Variants in COL25A1 observed in about 807,000 individuals in gnomAD.
COL25A1 encodes collagen alpha-1(XXV) chain.
In COL25A1, 103 loss-of-function variants were observed where a neutral mutation model predicts 128.4. The ratio of observed to expected loss-of-function variants is 0.80; its 90% confidence interval spans 0.68 to 0.94. COL25A1 has a LOEUF of 0.94. Among genes scored for constraint, COL25A1 ranks in the 40% least tolerant of loss-of-function variants. The pLI is 0.00. For missense variants in COL25A1, 745 were observed against 840.0 expected, an observed-to-expected ratio of 0.89 and a Z score of 1.40; for synonymous variants, 279 against 277.2, an observed-to-expected ratio of 1.01 and a Z score of -0.06.
intron 6 of COL25A1, among the ~76,000 whole-genome samples, chr4:108,999,720 T>C (rs1382525412): frequency 1.3e-5 from 2 of 152,196 alleles, no homozygotes; most frequent in Admixed American, 1.3e-4. Flanking sequence ...CCAACACAAA[T>C]GTCCATCAGT....
chr4:109,221,529 A>C (rs1347101093), intron 3 of COL25A1, among the ~76,000 whole-genome samples: 4 of 152,230 alleles, frequency 2.6e-5, no homozygotes, highest in Non-Finnish European at 2.9e-5. Context: ...TAAGTACTTC[A>C]TTTGTAATAC....
At chr4:108,831,687 G>GGA (rs3062875) in intron 32 of COL25A1, among the ~76,000 whole-genome samples, 23,341 of 143,950 alleles carry the variant, frequency 0.16, 1,913 homozygotes, top group African/African-American at 0.23. Flanking sequence ...AGAGAGAGGG[G>GGA]GAGAGAGAGA....
At chr4:108,908,592 C>T (rs898949687) in intron 13 of COL25A1, among the ~76,000 whole-genome samples, 3 of 152,324 alleles carry the variant, frequency 2.0e-5, no homozygotes, top group African/African-American at 7.2e-5. Flanking sequence ...AAACAGCAAA[C>T]TCCCTCCCTA....
rs1730587706 is a variant in COL25A1 at position 108,808,956 on chromosome 4, A to G, written c.*4971T>C. The stretch of plus-strand genomic sequence containing the variant: ...GCAATTATCTCCAAACCGCAAATCA[A>G]AAATCTTATGCATCTTTTGATACAG... On this transcript the variant is annotated 3_prime_UTR_variant, in exon 38 of 38. Coordinates refer to ENST00000399132, the MANE Select transcript of COL25A1 (RefSeq NM_198721.4). The G allele has an allele frequency of 1.3e-5, 2 of 152,216 alleles. No individual in the cohort carries two copies. The highest frequency in any genetic ancestry group is 1.3e-4 in the Admixed American group (2 of 15,282). 9.4% of individuals were successfully genotyped at this position (152,216 alleles called of 1,614,324 possible).
chr4:108,978,427 T>G (rs527983062), intron 6 of COL25A1, among the ~76,000 whole-genome samples: 3 of 152,194 alleles, frequency 2.0e-5, no homozygotes, highest in Non-Finnish European at 4.4e-5. Flanking sequence ...TAAACACAGA[T>G]AGTATAATAT....
At chr4:109,109,493 A>G (rs574170960) in intron 3 of COL25A1, among the ~76,000 whole-genome samples, 2 of 152,312 alleles carry the variant, frequency 1.3e-5, no homozygotes, top group Admixed American at 1.3e-4. Flanking sequence ...ACAGCCTCCT[A>G]AAGTGCTGGG....
chr4:109,027,915 C>T (rs1341344246), intron 5 of COL25A1, among the ~76,000 whole-genome samples: 2 of 152,120 alleles, frequency 1.3e-5, no homozygotes, highest in Non-Finnish European at 2.9e-5. Context: ...CTCTAGGAGA[C>T]ATCCATGTGC....
chr4:109,202,342 T>C (rs993289652), intron 3 of COL25A1, among the ~76,000 whole-genome samples: 1 of 151,722 alleles, frequency 6.6e-6, no homozygotes, highest in African/African-American at 2.4e-5. Flanking sequence ...AAATGAGCAA[T>C]GGCAACTCAA....
At position 108,808,853 on chromosome 4, in the gene COL25A1, G is replaced by A. The variant is rs185453445; in HGVS notation, c.*5074C>T. 2 of 152,114 alleles carry A rather than the reference G, an allele frequency of 1.3e-5. No individual in the cohort carries two copies. The highest frequency in any genetic ancestry group is 4.8e-5 in the African/African-American group (2 of 41,520). The allele number at this position is 152,114 out of a possible 1,614,324, so 9.4% of individuals were successfully genotyped here. A position where few individuals can be genotyped will look rare whatever the true frequency, so the allele number is the denominator to read the frequency against. On this transcript the variant is annotated 3_prime_UTR_variant, in exon 38 of 38. Coordinates refer to ENST00000399132, the MANE Select transcript of COL25A1 (RefSeq NM_198721.4). ...TAAATAGTGTAAAAATAATTCTGAAGATCAACTTCTCACAAACTAGGAACC... is the reference window on the plus strand; with the variant it reads ...TAAATAGTGTAAAAATAATTCTGAAAATCAACTTCTCACAAACTAGGAACC...
chr4:108,808,770 C>A lies in COL25A1; in HGVS notation c.*5157G>T, dbSNP rs1730574268. The A allele has an allele frequency of 6.6e-6, 1 of 152,100 alleles. No individual in the cohort carries two copies. The allele number at this position is 152,100 out of a possible 1,614,324, so 9.4% of individuals were successfully genotyped here. On this transcript the variant is annotated 3_prime_UTR_variant, in exon 38 of 38. Coordinates refer to ENST00000399132, the MANE Select transcript of COL25A1 (RefSeq NM_198721.4). Reference sequence around the variant, plus strand: ...GCTTTATAACAATACAATTCATTATCATTGTTTGGATTAATATTGTAATAA... The same window carrying A: ...GCTTTATAACAATACAATTCATTATAATTGTTTGGATTAATATTGTAATAA...
At chr4:109,068,163 T>C (rs1226907148) in intron 3 of COL25A1, among the ~76,000 whole-genome samples, 3 of 152,296 alleles carry the variant, frequency 2.0e-5, no homozygotes, top group Non-Finnish European at 4.4e-5. Context: ...TCTCCTGTAT[T>C]ATTGCTTTTT....
At chr4:109,270,924 T>C (rs1782151141) in intron 3 of COL25A1, among the ~76,000 whole-genome samples, 3 of 152,192 alleles carry the variant, frequency 2.0e-5, no homozygotes, top group Admixed American at 2.0e-4. Flanking sequence ...TGTGCTAGAA[T>C]GCCTACTATG....
intron 3 of COL25A1, among the ~76,000 whole-genome samples, chr4:109,060,407 G>A (rs981843485): frequency 2.0e-5 from 3 of 151,960 alleles, no homozygotes; most frequent in African/African-American, 7.3e-5. Context: ...CCACCTCATT[G>A]CCCTCTTGCT....
chr4:109,094,493 T>C (rs1414211608), intron 3 of COL25A1, among the ~76,000 whole-genome samples: 1 of 152,208 alleles, frequency 6.6e-6, no homozygotes, highest in Non-Finnish European at 1.5e-5. Context: ...AAATTAAAAA[T>C]GATTCCTCAA....
chr4:109,262,181 T>G (rs191480662), intron 3 of COL25A1, among the ~76,000 whole-genome samples: 11 of 152,220 alleles, frequency 7.2e-5, no homozygotes, highest in Non-Finnish European at 1.5e-4. Context: ...TTTATTTACC[T>G]ACTATATGTT....
chr4:108,829,893 G>A (rs1258624472), intron 32 of COL25A1, among the ~76,000 whole-genome samples: 2 of 152,152 alleles, frequency 1.3e-5, no homozygotes, highest in African/African-American at 2.4e-5. Context: ...AGAGACATGA[G>A]GTAGTCTCTC....
At chr4:108,885,795 A>C (rs1364076786) in intron 18 of COL25A1, among the ~76,000 whole-genome samples, 1 of 152,184 alleles carries the variant, frequency 6.6e-6, no homozygotes, top group Admixed American at 6.5e-5. Flanking sequence ...ATTCTTTCAG[A>C]AAAGTCCCCC....
At chr4:108,869,588 A>G (rs144022772) in intron 19 of COL25A1, among the ~76,000 whole-genome samples, 19 of 152,314 alleles carry the variant, frequency 1.2e-4, no homozygotes, top group Admixed American at 1.3e-4. Context: ...ATTGTAGGAC[A>G]CCCAGTTGGT....
chr4:109,268,706 C>T (rs932605717), intron 3 of COL25A1, among the ~76,000 whole-genome samples: 2 of 152,144 alleles, frequency 1.3e-5, no homozygotes, highest in Non-Finnish European at 2.9e-5. Context: ...AAGATTTCTT[C>T]CACTGCTCAA....
Sources: gnomAD v4.1 joint callset for allele counts (sites outside exome capture counted in the v4.1 genomes callset) on GRCh38, gnomAD v4.1.1 for gene constraint, MANE v1.5 for transcripts, NCBI Gene and HGNC (gene_info 2026-07-23, HGNC 2026-07-21) for gene names.